MALRD1: variants seen among roughly 807,000 people sequenced by gnomAD.
The protein encoded by MALRD1 is MAM and LDL receptor class A domain containing 1, also known as MAM and LDL-receptor class A domain-containing protein 1.
A neutral mutation model predicts 242.1 loss-of-function variants in MALRD1; 247 were observed. That is an observed-to-expected ratio of 1.02 (90% CI 0.92 to 1.13). The LOEUF (loss-of-function observed/expected upper bound fraction) is 1.13. MALRD1 is among the 50% of genes most tolerant of loss of function. The pLI is 0.00. For missense variants in MALRD1, 2,989 were observed against 2,533.1 expected (o/e 1.18, Z -3.86); for synonymous variants, 995 against 866.6 (o/e 1.15, Z -2.60).
chr10:19,068,151 GC>G (rs1835036190), intron 2 of MALRD1, among the ~76,000 whole-genome samples: 1 of 151,726 alleles, frequency 6.6e-6, no homozygotes, highest in Admixed American at 6.6e-5. Context: ...TACTCAGAAG[GC>G]TTTTTACAGC....
chr10:19,448,861 T>G (rs1449995481), intron 28 of MALRD1, among the ~76,000 whole-genome samples: 3 of 152,022 alleles, frequency 2.0e-5, no homozygotes, highest in Non-Finnish European at 4.4e-5. Flanking sequence ...TGGAATCTGT[T>G]GTTAAAATTA....
chr10:19,427,013 T>G (rs1251824812), intron 28 of MALRD1, among the ~76,000 whole-genome samples: 1 of 152,240 alleles, frequency 6.6e-6, no homozygotes, highest in East Asian at 1.9e-4. Context: ...AGAATGTCGA[T>G]GCTGACACCT....
intron 24 of MALRD1, among the ~76,000 whole-genome samples, chr10:19,332,982 A>G (rs963493534): frequency 1.3e-5 from 2 of 152,048 alleles, no homozygotes; most frequent in African/African-American, 4.8e-5. Flanking sequence ...CATCAACATT[A>G]GGTGTTTCTC....
At chr10:19,052,698 G>T (rs1343420704) in intron 1 of MALRD1, among the ~76,000 whole-genome samples, 14 of 150,018 alleles carry the variant, frequency 9.3e-5, no homozygotes, top group Admixed American at 9.2e-4. Context: ...GGGGTGCTTT[G>T]CCTGCACCCC....
intron 36 of MALRD1, among the ~76,000 whole-genome samples, chr10:19,631,189 A>G (rs928007191): frequency 9.2e-5 from 14 of 151,918 alleles, no homozygotes; most frequent in African/African-American, 3.4e-4. Context: ...GTTCCCCTCT[A>G]TGTGTCCATG....
intron 36 of MALRD1, among the ~76,000 whole-genome samples, chr10:19,635,867 A>C (rs59816102): frequency 6.6e-6 from 1 of 152,210 alleles, no homozygotes; most frequent in East Asian, 1.9e-4. Context: ...AAGGAAAATA[A>C]AATATTTAAT....
chr10:19,150,672 C>T (rs1280414838), intron 11 of MALRD1, among the ~76,000 whole-genome samples: 1 of 152,200 alleles, frequency 6.6e-6, no homozygotes, highest in Non-Finnish European at 1.5e-5. Flanking sequence ...CTATCACTAT[C>T]TTACATTCCC....
At chr10:19,714,604 C>T (rs1176004708) in intron 38 of MALRD1, among the ~76,000 whole-genome samples, 1 of 152,138 alleles carries the variant, frequency 6.6e-6, no homozygotes, top group Non-Finnish European at 1.5e-5. Flanking sequence ...GGGTAGAGCC[C>T]TCACCAGGGA....
At chr10:19,411,980 T>C (rs902890947) in intron 28 of MALRD1, among the ~76,000 whole-genome samples, 13 of 152,204 alleles carry the variant, frequency 8.5e-5, no homozygotes, top group Non-Finnish European at 1.3e-4. Context: ...ATTACTTAAG[T>C]AAATTGTATA....
intron 21 of MALRD1, 107 bp downstream of exon 21, chr10:19,283,288 A>C: frequency 1.1e-6 from 1 of 950,880 alleles, no homozygotes; most frequent in South Asian, 4.8e-5. Context: ...CTGTAAAGAC[A>C]AATGTTAAGT....
intron 32 of MALRD1, among the ~76,000 whole-genome samples, chr10:19,555,825 G>A (rs1028616255): frequency 2.0e-5 from 3 of 152,142 alleles, no homozygotes; most frequent in Admixed American, 2.0e-4. Flanking sequence ...GTTGGGGAAA[G>A]TAGTTGATGT....
chr10:19,290,693 A>G (rs138456579), intron 21 of MALRD1, among the ~76,000 whole-genome samples: 183 of 152,352 alleles, frequency 1.2e-3, no homozygotes, highest in African/African-American at 4.1e-3. Context: ...TCCAACAACT[A>G]CTAAGGCAGT....
intron 29 of MALRD1, among the ~76,000 whole-genome samples, chr10:19,453,388 T>C (rs957690999): frequency 2.0e-5 from 3 of 152,196 alleles, no homozygotes; most frequent in Non-Finnish European, 4.4e-5. Context: ...TGGCTGCTAA[T>C]TGATATTGGG....
intron 31 of MALRD1, among the ~76,000 whole-genome samples, chr10:19,519,833 A>G (rs951664136): frequency 6.6e-6 from 1 of 152,214 alleles, no homozygotes; most frequent in Non-Finnish European, 1.5e-5. Context: ...TTAAGTAAAT[A>G]CTTTAGTTTG....
chr10:19,569,017 T>G (rs929805032), intron 33 of MALRD1, among the ~76,000 whole-genome samples: 1 of 152,136 alleles, frequency 6.6e-6, no homozygotes, highest in African/African-American at 2.4e-5. Flanking sequence ...ATAAATAAAC[T>G]TATTTACAAT....
intron 21 of MALRD1, among the ~76,000 whole-genome samples, chr10:19,284,332 C>T (rs1445683693): frequency 1.6e-4 from 24 of 150,792 alleles, no homozygotes; most frequent in East Asian, 7.9e-4. Context: ...ACATGTGCCA[C>T]GCTGGTGCGC....
intron 33 of MALRD1, among the ~76,000 whole-genome samples, chr10:19,593,132 A>G (rs1564468266): frequency 6.6e-6 from 1 of 152,360 alleles, no homozygotes; most frequent in East Asian, 1.9e-4. Context: ...ATAAAGATTT[A>G]AATCCAATTT....
At chr10:19,084,749 GT>G (rs1346368356) in intron 2 of MALRD1, among the ~76,000 whole-genome samples, 1 of 151,554 alleles carries the variant, frequency 6.6e-6, no homozygotes, top group Non-Finnish European at 1.5e-5. Flanking sequence ...CTCCTTTTTT[GT>G]CATCAAACTT....
At chr10:19,076,212 C>A (rs1835312481) in intron 2 of MALRD1, among the ~76,000 whole-genome samples, 1 of 151,934 alleles carries the variant, frequency 6.6e-6, no homozygotes, top group Non-Finnish European at 1.5e-5. Flanking sequence ...CCCTACTGTC[C>A]TAGCCTGTGT....
Sources: allele counts gnomAD v4.1 joint callset (sites outside exome capture counted in the v4.1 genomes callset), GRCh38; gene constraint gnomAD v4.1.1; transcripts MANE v1.5; gene names NCBI Gene and HGNC (gene_info 2026-07-23, HGNC 2026-07-21).